Variants in CADM2 observed in about 807,000 individuals in gnomAD.
The protein encoded by CADM2 is cell adhesion molecule 2, also known as immunoglobulin superfamily member 4D.
Under a neutral mutation model 49.8 loss-of-function variants are expected in CADM2, and 12 were observed. That is an observed-to-expected ratio of 0.24 (90% CI 0.15 to 0.39). The LOEUF (loss-of-function observed/expected upper bound fraction) is 0.39. CADM2 is among the 10% of genes least tolerant of loss of function. The pLI, the probability that CADM2 is intolerant of heterozygous loss-of-function variation, is 1.00. For synonymous variants in CADM2, 214 were observed against 175.4 expected (o/e 1.22, Z -1.74); for missense variants, 378 against 492.3 (o/e 0.77, Z 2.20).
At chr3:85,487,831 T>C (rs2039494457) in intron 1 of CADM2, among the ~76,000 whole-genome samples, 1 of 152,086 alleles carries the variant, frequency 6.6e-6, no homozygotes, top group African/African-American at 2.4e-5. Flanking sequence ...ATTTAATGCC[T>C]AATACAATCT....
intron 1 of CADM2, among the ~76,000 whole-genome samples, chr3:85,390,812 G>T (rs2107394751): frequency 6.6e-6 from 1 of 152,122 alleles, no homozygotes; most frequent in Admixed American, 6.5e-5. Context: ...TCAGCTCTGT[G>T]AATTCCTGTA....
intron 1 of CADM2, among the ~76,000 whole-genome samples, chr3:85,484,342 C>A (rs539740948): frequency 5.9e-5 from 9 of 151,964 alleles, no homozygotes; most frequent in South Asian, 4.1e-4. Flanking sequence ...AGTACTTTAT[C>A]TTTTTATACA....
At chr3:85,541,730 AT>A (rs1233497787) in intron 1 of CADM2, among the ~76,000 whole-genome samples, 8 of 113,988 alleles carry the variant, frequency 7.0e-5, no homozygotes, top group African/African-American at 2.8e-4. Context: ...ATATATATAT[AT>A]TTTATATATA....
chr3:85,209,742 A>G (rs559500986), intron 1 of CADM2, among the ~76,000 whole-genome samples: 1 of 152,186 alleles, frequency 6.6e-6, no homozygotes, highest in Non-Finnish European at 1.5e-5. Context: ...GTTTCCAATT[A>G]GTCTGAAAGT....
chr3:85,290,276 T>G (rs1043570798), intron 1 of CADM2, among the ~76,000 whole-genome samples: 2 of 152,116 alleles, frequency 1.3e-5, no homozygotes, highest in African/African-American at 4.8e-5. Context: ...CGCACCTGGC[T>G]CGGAGGGTCC....
intron 3 of CADM2, among the ~76,000 whole-genome samples, chr3:85,846,806 G>C (rs2074902154): frequency 6.6e-6 from 1 of 152,112 alleles, no homozygotes; most frequent in Non-Finnish European, 1.5e-5. Context: ...AGTCTGCAGT[G>C]AGCTATGATC....
At chr3:85,574,998 C>A (rs2062590608) in intron 1 of CADM2, among the ~76,000 whole-genome samples, 1 of 152,014 alleles carries the variant, frequency 6.6e-6, no homozygotes, top group Non-Finnish European at 1.5e-5. Flanking sequence ...AGTGAGTCAC[C>A]TTTTTCTTTT....
chr3:86,007,969 A>AT (rs1289195642), intron 8 of CADM2, among the ~76,000 whole-genome samples: 6 of 152,120 alleles, frequency 3.9e-5, no homozygotes, highest in Non-Finnish European at 8.8e-5. Context: ...TAAGAGGAAA[A>AT]TTTTTTAAGT....
intron 1 of CADM2, among the ~76,000 whole-genome samples, chr3:85,268,219 A>G (rs183045489): frequency 6.6e-6 from 1 of 151,514 alleles, no homozygotes; most frequent in Admixed American, 6.6e-5. Context: ...AGCCAGGGGA[A>G]AAAAACACGT....
At chr3:85,693,505 G>T (rs1408204016) in intron 1 of CADM2, among the ~76,000 whole-genome samples, 1 of 150,602 alleles carries the variant, frequency 6.6e-6, no homozygotes, top group Admixed American at 6.6e-5. Context: ...GCGTGAACCC[G>T]GGAGGCGGAG....
At chr3:85,234,740 T>C (rs1365680707) in intron 1 of CADM2, among the ~76,000 whole-genome samples, 1 of 152,158 alleles carries the variant, frequency 6.6e-6, no homozygotes, top group Non-Finnish European at 1.5e-5. Flanking sequence ...AGAGTAGTAA[T>C]TTCTCTCTCC....
chr3:85,803,502 T>TAGAC (rs1310771843), intron 3 of CADM2, among the ~76,000 whole-genome samples: 1 of 140,644 alleles, frequency 7.1e-6, no homozygotes, highest in East Asian at 2.0e-4. Context: ...GATAGATAAA[T>TAGAC]AGATAGATAG....
At chr3:85,660,734 C>T (rs1416418500) in intron 1 of CADM2, among the ~76,000 whole-genome samples, 1 of 151,936 alleles carries the variant, frequency 6.6e-6, no homozygotes, top group Non-Finnish European at 1.5e-5. Flanking sequence ...CAGTCAGTTT[C>T]CTCCTTCTTC....
intron 1 of CADM2, among the ~76,000 whole-genome samples, chr3:85,540,274 C>A (rs1161771993): frequency 6.6e-6 from 1 of 152,014 alleles, no homozygotes; most frequent in African/African-American, 2.4e-5. Flanking sequence ...TTACCAAGGA[C>A]AAACACACCA....
chr3:85,945,238 A>G (rs1485733589), intron 7 of CADM2, among the ~76,000 whole-genome samples: 1 of 152,144 alleles, frequency 6.6e-6, no homozygotes, highest in African/African-American at 2.4e-5. Context: ...GAAGAAGTTG[A>G]ATCTCTGAAT....
At chr3:85,894,264 G>A (rs923957852) in intron 5 of CADM2, among the ~76,000 whole-genome samples, 9 of 151,980 alleles carry the variant, frequency 5.9e-5, no homozygotes, top group South Asian at 4.1e-4. Context: ...ACCAAACACC[G>A]CATGTTCTCA....
At chr3:85,516,067 T>A (rs760479349) in intron 1 of CADM2, among the ~76,000 whole-genome samples, 1 of 152,134 alleles carries the variant, frequency 6.6e-6, no homozygotes, top group Non-Finnish European at 1.5e-5. Context: ...GAATGTGCAC[T>A]TAGAAGAAAA....
intron 1 of CADM2, among the ~76,000 whole-genome samples, chr3:85,426,856 A>G (rs2036430333): frequency 6.6e-6 from 1 of 152,008 alleles, no homozygotes; most frequent in Non-Finnish European, 1.5e-5. Flanking sequence ...ACATGCTAAA[A>G]TTATTAAAGT....
At chr3:85,493,945 GA>G (rs1379868835) in intron 1 of CADM2, among the ~76,000 whole-genome samples, 2 of 152,050 alleles carry the variant, frequency 1.3e-5, no homozygotes, top group African/African-American at 4.8e-5. Context: ...TTATTTCATG[GA>G]GAAATAAATC....
Sources: gnomAD v4.1 joint callset for allele counts (sites outside exome capture counted in the v4.1 genomes callset) on GRCh38, gnomAD v4.1.1 for gene constraint, MANE v1.5 for transcripts, NCBI Gene and HGNC (gene_info 2026-07-23, HGNC 2026-07-21) for gene names.